The following PHF3 variants were observed in gnomAD, a reference collection of about 807,000 sequenced individuals.
PHF3 encodes PHD finger protein 3.
A neutral mutation model predicts 178.4 loss-of-function variants in PHF3; 41 were observed. The observed-to-expected ratio is 0.23, with a 90% CI of 0.18 to 0.30. The LOEUF (loss-of-function observed/expected upper bound fraction) is 0.30. PHF3 is among the 10% of genes least tolerant of loss of function. PHF3 has a pLI of 1.00. For missense variants in PHF3, 2,346 were observed against 2,398.1 expected (o/e 0.98, Z 0.45); for synonymous variants, 842 against 800.5 (o/e 1.05, Z -0.88).
In PHF3 at chr6:63,685,733, C is replaced by A; in HGVS notation, c.2011C>A (p.Gln671Lys). 6.2e-7 allele frequency: 1 copy of A among 1,614,088 alleles called. No homozygotes were observed. The highest frequency in any genetic ancestry group is 1.6e-4 in the Middle Eastern group (1 of 6,062). ...ACTGAAAAAACCTGAGAAGAACCTA[C>A]AACCCCGCCAAAGAAGAAGCAGCAA... ...LKLKKPEKNL[Q>K]PRQRRSSKSF... The change falls in exon 4 of 16, where the codon CAA becomes AAA. Residue 671 changes from glutamine to lysine, a missense_variant. This residue lies in a region of PHF3 where 843 missense variants were observed against 795.2 expected (regional missense o/e 1.06). Transcript: ENST00000262043.
At chr6:63,652,033 C>A (rs1369823011) in intron 2 of PHF3, among the ~76,000 whole-genome samples, 2 of 152,078 alleles carry the variant, frequency 1.3e-5, no homozygotes, top group African/African-American at 2.4e-5. Flanking sequence ...ATACTGATTT[C>A]TTTTCCTTTG....
chr6:63,721,666 C>T lies in PHF3; in HGVS notation c.*7958C>T. 1 of 1,551,450 alleles carries T rather than the reference C, an allele frequency of 6.4e-7. No homozygotes were observed. Among genetic ancestry groups the T allele is most frequent in the South Asian group, 1.2e-5 (1 of 84,056 alleles). On this transcript the variant is annotated 3_prime_UTR_variant, in exon 16 of 16. Transcript: ENST00000262043. Reference sequence around the variant, plus strand: ...AGGTAGCCTTCTGCACCAACTCTTCCTGCTTTTATTATATGCCAAGTACTT... The same window carrying T: ...AGGTAGCCTTCTGCACCAACTCTTCTTGCTTTTATTATATGCCAAGTACTT...
Position 63,711,994 on chromosome 6 carries a change from T to C in PHF3, c.4406T>C (p.Ile1469Thr). 9 of 1,613,772 alleles carry C rather than the reference T, an allele frequency of 5.6e-6. No individual in the cohort carries two copies. The highest frequency in any genetic ancestry group is 7.6e-6 in the Non-Finnish European group (9 of 1,179,920). Residue 1469 changes from isoleucine to threonine, a missense_variant, in exon 16 of 16, where the codon ATA (isoleucine) becomes ACA (threonine). Ile to Thr is a moderately conservative substitution (Grantham distance 89, BLOSUM62 -1). This residue lies in a region of PHF3 where 839 missense variants were observed against 806.9 expected (regional missense o/e 1.04). Transcript: ENST00000262043. Reference sequence around the variant, plus strand: ...AATAAACCTCTTCCTGTGGATGATATACTTCAAAGCCTTTTGGGCACCACT... The same window carrying C: ...AATAAACCTCTTCCTGTGGATGATACACTTCAAAGCCTTTTGGGCACCACT... ...LANKPLPVDDILQSLLGTTGQ... is the reference protein window; with the variant it reads ...LANKPLPVDDTLQSLLGTTGQ...
At chr6:63,656,973 G>A (rs1228117782) in intron 2 of PHF3, among the ~76,000 whole-genome samples, 1 of 152,148 alleles carries the variant, frequency 6.6e-6, no homozygotes, top group African/African-American at 2.4e-5. Flanking sequence ...TTGCAGTGAT[G>A]TATCTGCATT....
chr6:63,701,705 C>T (rs1258630202), intron 9 of PHF3, among the ~76,000 whole-genome samples: 2 of 152,086 alleles, frequency 1.3e-5, no homozygotes, highest in African/African-American at 4.8e-5. Context: ...CATTCCTTTA[C>T]CTTCACCGTA....
intron 1 of PHF3, among the ~76,000 whole-genome samples, chr6:63,645,149 A>G (rs1764731897): frequency 6.6e-5 from 10 of 151,960 alleles, no homozygotes; most frequent in Admixed American, 5.9e-4. Flanking sequence ...AAGTGCTAGG[A>G]ATACAGGCAT....
rs1767423877 is a variant in PHF3, at chr6:63,700,479, A to G, written c.3099+13A>G. On this transcript the variant is annotated intron_variant, in intron 9 of 15. Coordinates refer to ENST00000262043, the MANE Select transcript of PHF3 (RefSeq NM_001370348.2). Reference sequence around the variant, plus strand: ...AGAAAACAGACATGTAAGATTATCTATAAATATGCATTTGACTATCAAAAT... The same window carrying G: ...AGAAAACAGACATGTAAGATTATCTGTAAATATGCATTTGACTATCAAAAT... 7 of 1,310,832 alleles carry G rather than the reference A, an allele frequency of 5.3e-6. No individual in the cohort carries two copies. The highest frequency in any genetic ancestry group is 6.6e-6 in the Non-Finnish European group (6 of 914,570). 81.2% of individuals were successfully genotyped at this position (1,310,832 alleles called of 1,614,324 possible).
Position 63,721,351 on chromosome 6 carries a change from C to T in PHF3, c.*7643C>T, listed in dbSNP as rs971882330. On this transcript the variant is annotated 3_prime_UTR_variant, in exon 16 of 16. Transcript: ENST00000262043. ...AAACATCTGCAAGAAAAAGTTGTGC[C>T]ATTTACTGTACATTCACCTCCATTT... 4 of 1,551,756 alleles carry T rather than the reference C, an allele frequency of 2.6e-6. No homozygotes were observed. In the African/African-American group the frequency reaches 4.1e-5, roughly 16 times the overall value.
intron 1 of PHF3, among the ~76,000 whole-genome samples, chr6:63,637,004 AG>A (rs1381621006): frequency 6.6e-6 from 1 of 152,070 alleles, no homozygotes; most frequent in Non-Finnish European, 1.5e-5. Flanking sequence ...GCCAATTCCT[AG>A]AGACTAGATT....
chr6:63,725,163 A>G lies in PHF3; in HGVS notation c.*11455A>G, dbSNP rs1768563775. ...TTATATAAGTGTCAAATGCAGCATCAATCGTGTGAAACTAATGAATCTCTG... is the reference window on the plus strand; with the variant it reads ...TTATATAAGTGTCAAATGCAGCATCGATCGTGTGAAACTAATGAATCTCTG... On this transcript the variant is annotated 3_prime_UTR_variant, in exon 16 of 16. Transcript: ENST00000262043. Among the ~76,000 whole-genome samples, 1 of 152,166 alleles carries G rather than the reference A, an allele frequency of 6.6e-6. No individual in the cohort carries two copies. Among genetic ancestry groups the G allele is most frequent in the African/African-American group, 2.4e-5 (1 of 41,462 alleles).
intron 12 of PHF3, 79 bp downstream of exon 12, chr6:63,706,303 A>C (rs1350240163): frequency 9.0e-7 from 1 of 1,117,000 alleles, no homozygotes; most frequent in Non-Finnish European, 1.3e-6. Context: ...TCAAAAACAG[A>C]AAAGTGACAT....
At chr6:63,687,835 A>G (rs1279554614) in intron 4 of PHF3, among the ~76,000 whole-genome samples, 1 of 152,184 alleles carries the variant, frequency 6.6e-6, no homozygotes, top group Admixed American at 6.5e-5. Context: ...TATAGAATCT[A>G]GAGTGTTTTT....
At chr6:63,665,521 C>G (rs1352024675) in intron 2 of PHF3, among the ~76,000 whole-genome samples, 2 of 122,174 alleles carry the variant, frequency 1.6e-5, no homozygotes, top group Non-Finnish European at 3.2e-5. Context: ...GAGTCTTGCT[C>G]TGTTGCCCAG....
intron 8 of PHF3, among the ~76,000 whole-genome samples, chr6:63,698,932 A>G (rs1767353066): frequency 6.6e-6 from 1 of 151,168 alleles, no homozygotes; most frequent in East Asian, 1.9e-4. Flanking sequence ...TTATAACACT[A>G]TTTTTTTCTT....
At chr6:63,704,904 G>A (rs936544778) in intron 11 of PHF3, among the ~76,000 whole-genome samples, 2 of 152,208 alleles carry the variant, frequency 1.3e-5, no homozygotes, top group Non-Finnish European at 2.9e-5. Context: ...CAATGAATGA[G>A]AGTTCCTGTT....
chr6:63,694,012 C>T (rs918042655), intron 5 of PHF3, among the ~76,000 whole-genome samples: 2 of 152,158 alleles, frequency 1.3e-5, no homozygotes, highest in Non-Finnish European at 2.9e-5. Flanking sequence ...TGATTGTACC[C>T]TATTTTAAAA....
intron 2 of PHF3, among the ~76,000 whole-genome samples, chr6:63,671,226 A>G (rs1384100355): frequency 6.6e-6 from 1 of 152,180 alleles, no homozygotes; most frequent in Non-Finnish European, 1.5e-5. Context: ...TTGAGATAAA[A>G]GTGATTGGTA....
intron 14 of PHF3, among the ~76,000 whole-genome samples, 176 bp downstream of exon 14, chr6:63,709,416 T>C (rs1160021933): frequency 1.3e-5 from 2 of 150,846 alleles, no homozygotes; most frequent in African/African-American, 4.9e-5. Flanking sequence ...CTGTCAACAG[T>C]ACAGCATTTT....
rs900032348 is a variant in PHF3 at position 63,719,608 on chromosome 6, T to C, written c.*5900T>C. The stretch of plus-strand genomic sequence containing the variant: ...GTTCACAATTGTATCAGTAACTGTT[T>C]TGGGAAAAATAATATTTTTTCAAGT... On this transcript the variant is annotated 3_prime_UTR_variant, in exon 16 of 16. Coordinates refer to ENST00000262043, the MANE Select transcript of PHF3 (RefSeq NM_001370348.2). 4.6e-5 allele frequency among the ~76,000 whole-genome samples: 7 copies of C among 152,098 alleles called. No homozygotes were observed. Among genetic ancestry groups the C allele is most frequent in the Non-Finnish European group, 1.0e-4 (7 of 67,974 alleles).
Sources: gnomAD v4.1 joint callset for allele counts (sites outside exome capture counted in the v4.1 genomes callset) on GRCh38, gnomAD v4.1.1 for gene constraint, gnomAD v4.1.1 regional missense constraint, MANE v1.5 for transcripts, NCBI Gene and HGNC (gene_info 2026-07-23, HGNC 2026-07-21) for gene names.